The following TAF1A variants were observed in gnomAD, a reference collection of about 807,000 sequenced individuals.
TAF1A encodes TATA-box binding protein associated factor, RNA polymerase I subunit A.
A neutral mutation model predicts 61.6 loss-of-function variants in TAF1A; 42 were observed. The ratio of observed to expected loss-of-function variants is 0.68; its 90% CI spans 0.53 to 0.88. The LOEUF is 0.88. TAF1A is among the 40% of genes least tolerant of loss of function. The pLI, the probability that TAF1A is intolerant of heterozygous loss-of-function variation, is 0.00. For synonymous variants in TAF1A, 179 were observed against 177.7 expected, an observed-to-expected ratio of 1.01 and a Z score of -0.06; for missense variants, 424 against 518.7, an observed-to-expected ratio of 0.82 and a Z score of 1.77.
chr1:222,567,905 G>A (rs994069999), intron 7 of TAF1A, among the ~76,000 whole-genome samples: 1 of 152,074 alleles, frequency 6.6e-6, no homozygotes, highest in Non-Finnish European at 1.5e-5. Context: ...ACATTTAGAA[G>A]ACCTACAATA....
intron 2 of TAF1A, among the ~76,000 whole-genome samples, chr1:222,585,534 A>G (rs1660976818): frequency 6.6e-6 from 1 of 151,168 alleles, no homozygotes. Flanking sequence ...CATAGCCTAG[A>G]CCTCCTGGGT....
intron 5 of TAF1A, among the ~76,000 whole-genome samples, chr1:222,571,775 G>A (rs1660362451): frequency 1.3e-5 from 2 of 152,148 alleles, no homozygotes; most frequent in South Asian, 4.1e-4. Context: ...ACTTACTATT[G>A]TCAAATTGAT....
At chr1:222,580,226 C>T (rs1274799206) in intron 3 of TAF1A, among the ~76,000 whole-genome samples, 4 of 152,062 alleles carry the variant, frequency 2.6e-5, no homozygotes, top group Non-Finnish European at 4.4e-5. Flanking sequence ...ATAATATTGG[C>T]TTCTTCATTG....
Position 222,577,612 on chromosome 1 carries a change from T to G in TAF1A, c.437A>C (p.His146Pro). 1 of 1,613,964 alleles carries G rather than the reference T, an allele frequency of 6.2e-7. No homozygotes were observed. Among genetic ancestry groups the G allele is most frequent in the Non-Finnish European group, 8.5e-7 (1 of 1,179,892 alleles). ...ISLQHALYLL[H>P]HGMLKDAKRN... Reference sequence around the variant, plus strand: ...CTTAGCATCTTTAAGCATTCCATGATGCAGAAGGTATAATGCATGTTGTAA... The same window carrying G: ...CTTAGCATCTTTAAGCATTCCATGAGGCAGAAGGTATAATGCATGTTGTAA... The change falls in exon 5 of 11, where the codon CAT (histidine) becomes CCT (proline). Residue 146 changes from histidine (H) to proline (P), a missense_variant. Physicochemically the swap from His to Pro is moderately conservative, Grantham distance 77. Transcript: ENST00000352967.
At chr1:222,571,354 G>C (rs143619663) in intron 5 of TAF1A, among the ~76,000 whole-genome samples, 5 of 152,074 alleles carry the variant, frequency 3.3e-5, no homozygotes, top group African/African-American at 1.2e-4. Flanking sequence ...CACTACTTTT[G>C]TTCATTATAT....
At chr1:222,579,675 G>A in intron 4 of TAF1A, 84 bp downstream of exon 4, 1 of 1,494,268 alleles carries the variant, frequency 6.7e-7, no homozygotes, top group Non-Finnish European at 9.0e-7. Flanking sequence ...ACATTTTTTA[G>A]GTTAACTACC....
At chr1:222,563,804 G>A (rs1443244157) in intron 8 of TAF1A, among the ~76,000 whole-genome samples, 1 of 152,202 alleles carries the variant, frequency 6.6e-6, no homozygotes, top group African/African-American at 2.4e-5. Flanking sequence ...AACAGGAGTA[G>A]GCAAACTTTT....
intron 10 of TAF1A, among the ~76,000 whole-genome samples, chr1:222,559,886 T>C (rs1174762786): frequency 6.6e-6 from 1 of 152,144 alleles, no homozygotes; most frequent in Non-Finnish European, 1.5e-5. Context: ...TTTCTAAACA[T>C]ATCATACTAC....
Position 222,560,511 on chromosome 1 carries a change from A to G in TAF1A, c.1240+853T>C, listed in dbSNP as rs78543073. 7.9e-3 allele frequency among the ~76,000 whole-genome samples: 1,208 copies of G among 152,318 alleles called. 9 individuals are homozygous for G. The highest frequency in any genetic ancestry group is 0.028 in the African/African-American group (1,145 of 41,578). On this transcript the variant is annotated intron_variant, in intron 10 of 10. Transcript: ENST00000352967. ...CTACTCTGCTCAAAGAGACCTCTTG[A>G]TAATTGTGCTAGATGCCGCTCTACT...
intron 10 of TAF1A, 21 bp from the exon 11 acceptor site, chr1:222,558,793 A>C (rs763028227): frequency 7.4e-7 from 1 of 1,355,206 alleles, no homozygotes; most frequent in Non-Finnish European, 1.0e-6. Context: ...AAGCAAAATA[A>C]AAAGTTTTAA....
chr1:222,572,999 T>C (rs1268729995), intron 5 of TAF1A, among the ~76,000 whole-genome samples: 1 of 152,150 alleles, frequency 6.6e-6, no homozygotes, highest in East Asian at 1.9e-4. Context: ...CCAGGCACAG[T>C]GGCTCACATC....
intron 5 of TAF1A, among the ~76,000 whole-genome samples, chr1:222,575,815 G>A (rs749260388): frequency 3.9e-5 from 6 of 152,122 alleles, no homozygotes; most frequent in Non-Finnish European, 7.4e-5. Flanking sequence ...TGTCAGCTAC[G>A]GAAAGGTACT....
At chr1:222,589,019 C>A (rs951433797) in intron 1 of TAF1A, among the ~76,000 whole-genome samples, 7 of 152,238 alleles carry the variant, frequency 4.6e-5, no homozygotes, top group Admixed American at 6.5e-5. Context: ...GTTGAAAAAA[C>A]TGAGGGGCTT....
At chr1:222,558,814 AT>A (rs1558138986) in intron 10 of TAF1A, 42 bp from the exon 11 acceptor site, 10 of 953,802 alleles carry the variant, frequency 1.0e-5, no homozygotes, top group South Asian at 6.4e-5. Flanking sequence ...TACTCATCAC[AT>A]TTTTCAAGTA....
Position 222,569,610 on chromosome 1 carries a change from T to C in TAF1A, c.794A>G (p.Tyr265Cys), listed in dbSNP as rs1660264525. Residue 265 changes from tyrosine (Y) to cysteine (C), a missense_variant, in exon 7 of 11, where the codon TAT (tyrosine) becomes TGT (cysteine). Physicochemically the swap from Tyr to Cys is radical, Grantham distance 194. Coordinates refer to ENST00000352967, the MANE Select transcript of TAF1A (RefSeq NM_005681.4). ...TGGATTTGATGGAAACTTTTCATCA[T>C]ATGCATAATTGGTGAGTACCTCTTG... ...GAQEVLTNYA[Y>C]DEKFPSNPNA... 1.9e-6 allele frequency: 3 copies of C among 1,613,886 alleles called. No homozygotes were observed. The highest frequency in any genetic ancestry group is 1.7e-6 in the Non-Finnish European group (2 of 1,179,780).
chr1:222,554,455 T>C (rs998342470), downstream of TAF1A, among the ~76,000 whole-genome samples: 1 of 152,248 alleles, frequency 6.6e-6, no homozygotes, highest in Admixed American at 6.5e-5. Flanking sequence ...AGTCATATTA[T>C]TTGTAGACCA....
In TAF1A at chr1:222,558,482, G is replaced by C. The variant is rs1659788214; in HGVS notation, c.*178C>G. 1.1e-5 allele frequency: 3 copies of C among 281,558 alleles called. No homozygotes were observed. Among genetic ancestry groups the C allele is most frequent in the Non-Finnish European group, 1.9e-5 (3 of 154,424 alleles). The allele number at this position is 281,558 out of a possible 1,614,324, so 17.4% of individuals were successfully genotyped here. A position where few individuals can be genotyped will look rare whatever the true frequency, so the allele number is the denominator to read the frequency against. ...AAAAGAAAACAGACATAGTTACAAA[G>C]AGCAAAGGCAGTAATATTGTTTCTC... On this transcript the variant is annotated 3_prime_UTR_variant, in exon 11 of 11. Transcript: ENST00000352967.
intron 5 of TAF1A, among the ~76,000 whole-genome samples, chr1:222,575,291 C>G (rs969466402): frequency 5.3e-5 from 8 of 151,924 alleles, no homozygotes; most frequent in African/African-American, 1.9e-4. Flanking sequence ...AAGGCTGAGG[C>G]AGGAGGATTG....
intron 5 of TAF1A, among the ~76,000 whole-genome samples, chr1:222,574,959 G>A (rs978191638): frequency 6.6e-6 from 1 of 152,074 alleles, no homozygotes; most frequent in Non-Finnish European, 1.5e-5. Flanking sequence ...TAATCTGGGT[G>A]GTGGTTATGT....
Sources: allele counts gnomAD v4.1 joint callset (sites outside exome capture counted in the v4.1 genomes callset), GRCh38; gene constraint gnomAD v4.1.1; transcripts MANE v1.5; gene names NCBI Gene and HGNC (gene_info 2026-07-23, HGNC 2026-07-21).